Variants in FAAP100 observed in about 807,000 individuals in gnomAD.
FAAP100 encodes the protein Fanconi anemia core complex-associated protein 100.
Under a neutral mutation model 65.8 loss-of-function variants are expected in FAAP100, and 46 were observed. That is an observed-to-expected ratio of 0.70 (90% CI 0.55 to 0.89). The LOEUF (loss-of-function observed/expected upper bound fraction) is 0.89. Among genes scored for constraint, FAAP100 ranks in the 40% least tolerant of loss-of-function variants. The probability of loss-of-function intolerance (pLI) is 0.00; values close to 1 mark genes in which losing one functional copy is unlikely to be tolerated. For synonymous variants in FAAP100, 663 were observed against 555.1 expected, an observed-to-expected ratio of 1.19 and a Z score of -2.73; for missense variants, 1,165 against 1,196.7, an observed-to-expected ratio of 0.97 and a Z score of 0.39.
chr17:81,549,394 C>T (rs372708530), intron 3 of FAAP100, 32 bp from the exon 4 acceptor site: 49 of 1,579,090 alleles, frequency 3.1e-5, no homozygotes, highest in African/African-American at 6.8e-5. Context: ...GCCTGGTCAG[C>T]GGCTGGGAGG....
intron 5 of FAAP100, chr17:81,546,423 T>TG (rs1277816247): frequency 1.2e-5 from 2 of 160,610 alleles, no homozygotes; most frequent in African/African-American, 4.8e-5. Context: ...GCTGGGGCTT[T>TG]GGGGTGAGCG....
At chr17:81,547,708 C>T (rs779766115) in intron 4 of FAAP100, 30 bp from the exon 5 acceptor site, 6 of 1,601,820 alleles carry the variant, frequency 3.7e-6, no homozygotes, top group South Asian at 2.2e-5. Flanking sequence ...CCCCCGGGAG[C>T]GGGGGGACAC....
Position 81,552,048 on chromosome 17 carries a change from G to A in FAAP100, c.170C>T (p.Ala57Val). 6.6e-7 allele frequency: 1 copy of A among 1,520,572 alleles called. No individual in the cohort carries two copies. Among genetic ancestry groups the A allele is most frequent in the African/African-American group, 1.4e-5 (1 of 69,534 alleles). 94.2% of individuals were successfully genotyped at this position (1,520,572 alleles called of 1,614,324 possible). Residue 57 changes from alanine to valine, a missense_variant, in exon 2 of 9, where the codon GCG becomes GTG. Ala to Val is a moderately conservative substitution (Grantham distance 64). Coordinates refer to ENST00000327787, the MANE Select transcript of FAAP100 (RefSeq NM_025161.6). Reference protein sequence around the residue: ...YDQEGGLLTAAFRFPDQVWHL... With the variant: ...YDQEGGLLTAVFRFPDQVWHL... Reference sequence around the variant, plus strand: ...CCACACCTGGTCGGGGAACCGGAACGCCGCCTGCGGACCGGGGCGCGGGTC... The same window carrying A: ...CCACACCTGGTCGGGGAACCGGAACACCGCCTGCGGACCGGGGCGCGGGTC...
chr17:81,541,239 AG>A (rs1295817938), intron 8 of FAAP100, 69 bp downstream of exon 8: 2 of 1,474,780 alleles, frequency 1.4e-6, no homozygotes, highest in Admixed American at 1.9e-5. Context: ...GAGTGACTAG[AG>A]GGGGGCCTGG....
intron 5 of FAAP100, among the ~76,000 whole-genome samples, chr17:81,546,186 A>G (rs1192152267): frequency 1.3e-5 from 2 of 152,270 alleles, no homozygotes; most frequent in African/African-American, 4.8e-5. Context: ...TGTTAGGAGC[A>G]GGCAGCTCCG....
chr17:81,540,099 T>A lies in FAAP100; in HGVS notation c.*720A>T. ...CCCCCCCCGGGCCACAGCGCCACCC[T>A]GAGTGGCCCTGAAAATAGTGCACAG... On this transcript the variant is annotated 3_prime_UTR_variant, in exon 9 of 9. Transcript: ENST00000327787. 2 of 398,364 alleles carry A rather than the reference T, an allele frequency of 5.0e-6. No homozygotes were observed. The highest frequency in any genetic ancestry group is 8.9e-6 in the Non-Finnish European group (2 of 225,852). The allele number at this position is 398,364 out of a possible 1,614,324, so 24.7% of individuals were successfully genotyped here.
At chr17:81,544,220 C>A (rs1005955643) in intron 6 of FAAP100, 100 bp from the exon 7 acceptor site, 29 of 944,550 alleles carry the variant, frequency 3.1e-5, no homozygotes, top group Non-Finnish European at 4.8e-5. Context: ...GCACGTGAGG[C>A]CCTGAGATGG....
intron 4 of FAAP100, among the ~76,000 whole-genome samples, chr17:81,548,718 G>A (rs556809892): frequency 1.3e-5 from 2 of 151,534 alleles, no homozygotes; most frequent in East Asian, 2.0e-4. Flanking sequence ...CAGCCTGGGC[G>A]ACAGAGTGAA....
chr17:81,549,217 G>A lies in FAAP100; in HGVS notation c.1392C>T (p.Asn464=). 1.2e-6 allele frequency: 2 copies of A among 1,612,484 alleles called. No homozygotes were observed. Among genetic ancestry groups the A allele is most frequent in the South Asian group, 1.1e-5 (1 of 91,074 alleles). Residue 464 remains asparagine, a synonymous_variant, in exon 4 of 9, where the codon AAC becomes AAT. Transcript: ENST00000327787. ...KIKELLSGIG[N]ISERVSFLKK... is the part of the protein sequence containing the mutation. ...GCTGAGCTGCTCACCTCTCAGAGAT[G>A]TTGCCAATTCCAGACAGCAGCTCCT...
At chr17:81,544,943 C>T (rs888755283) in intron 6 of FAAP100, among the ~76,000 whole-genome samples, 6 of 152,114 alleles carry the variant, frequency 3.9e-5, no homozygotes, top group Admixed American at 2.0e-4. Flanking sequence ...GTGAGGTGGG[C>T]GGATCACCTG....
At position 81,547,147 on chromosome 17, in the gene FAAP100, G is replaced by A. The variant is rs1211893267; in HGVS notation, c.1935C>T (p.His645=). 45 of 1,538,554 alleles carry A rather than the reference G, an allele frequency of 2.9e-5. No individual in the cohort carries two copies. The highest frequency in any genetic ancestry group is 3.8e-5 in the Non-Finnish European group (43 of 1,141,460). Residue 645 remains histidine, a synonymous_variant, in exon 5 of 9, where the codon CAC becomes CAT. Coordinates refer to ENST00000327787, the MANE Select transcript of FAAP100 (RefSeq NM_025161.6). Reference sequence around the variant, plus strand: ...GCAGACACTGCAGCATGTCCACTGTGTGCCTGCTCAGGGGCAGGCAAACAC... The same window carrying A: ...GCAGACACTGCAGCATGTCCACTGTATGCCTGCTCAGGGGCAGGCAAACAC... ...QEGVCLPLSR[H]TVDMLQCLRF...
intron 6 of FAAP100, among the ~76,000 whole-genome samples, chr17:81,544,755 G>T (rs566337597): frequency 6.6e-6 from 1 of 152,204 alleles, no homozygotes; most frequent in South Asian, 2.1e-4. Flanking sequence ...AGTCACCTGC[G>T]GCTCTCCCAC....
At chr17:81,543,319 C>A (rs1026325268) in intron 7 of FAAP100, among the ~76,000 whole-genome samples, 1 of 152,200 alleles carries the variant, frequency 6.6e-6, no homozygotes, top group African/African-American at 2.4e-5. Context: ...GCAGGGACCA[C>A]CCCTAAAAAG....
In FAAP100 at chr17:81,541,243, G is replaced by T. The variant is rs541057203; in HGVS notation, c.2514+66C>A. The T allele has an allele frequency of 1.0e-4, 155 of 1,484,688 alleles. No individual in the cohort carries two copies. The African/African-American group carries it at 2.0e-3, about 19-fold the overall frequency. 92.0% of individuals were successfully genotyped at this position (1,484,688 alleles called of 1,614,324 possible). A position where few individuals can be genotyped will look rare whatever the true frequency, so the allele number is the denominator to read the frequency against. The stretch of plus-strand genomic sequence containing the variant: ...CTGCGGACCCCGAGTGACTAGAGGG[G>T]GGCCTGGCGATGGGCGCTCCTGGCT... On this transcript the variant is annotated intron_variant, in intron 8 of 8. Coordinates refer to ENST00000327787, the MANE Select transcript of FAAP100 (RefSeq NM_025161.6).
At chr17:81,541,224 AC>A in intron 8 of FAAP100, 84 bp downstream of exon 8, 2 of 1,417,630 alleles carry the variant, frequency 1.4e-6, no homozygotes. Flanking sequence ...GACTCTGCGG[AC>A]CCCGAGTGAC....
rs151231414 is a variant in FAAP100 at position 81,550,260 on chromosome 17, T to C, written c.1234A>G (p.Arg412Gly). ...CSVVSLSASPRTHEGGTKLLA... is the reference protein window; with the variant it reads ...CSVVSLSASPGTHEGGTKLLA... ...CAGCAGCTCATACCTTCATGCGTCC[T>C]GGGAGACGCGGACAGCGAGACGACA... The change falls in exon 3 of 9, where the codon AGG becomes GGG. Residue 412 changes from arginine to glycine, a missense_variant. Arg to Gly is a moderately radical substitution (Grantham distance 125, BLOSUM62 -2). Transcript: ENST00000327787. 4,612 of 1,603,920 alleles carry C rather than the reference T, an allele frequency of 2.9e-3. 41 individuals carry two copies. Among genetic ancestry groups the C allele is most frequent in the South Asian group, 0.018 (1,611 of 90,638 alleles).
chr17:81,552,612 C>T (rs1458521606), upstream of FAAP100, among the ~76,000 whole-genome samples: 1 of 152,198 alleles, frequency 6.6e-6, no homozygotes, highest in African/African-American at 2.4e-5. Flanking sequence ...TTCATGGCCC[C>T]GGCTGCTGCA....
intron 5 of FAAP100, among the ~76,000 whole-genome samples, 199 bp downstream of exon 5, chr17:81,546,710 G>T (rs1382526344): frequency 1.3e-5 from 2 of 152,106 alleles, no homozygotes; most frequent in Non-Finnish European, 2.9e-5. Context: ...GCCCGAGGTG[G>T]GTGGGGTGAA....
In FAAP100 at chr17:81,546,986, T is replaced by G. The variant is rs1207495618; in HGVS notation, c.2096A>C (p.Glu699Ala). ...GGAAGCCACAGATGGGGGCAGGTAC[T>G]CGGCCCGCAGGGAGGCGGGTCCTGC... ...QPAGPASLRA[E>A]YLPPSVASIK... Residue 699 changes from glutamate (E) to alanine (A), a missense_variant, in exon 5 of 9, where the codon GAG becomes GCG. By Grantham distance (107) the Glu-to-Ala change is moderately radical (BLOSUM62 -1). Transcript: ENST00000327787. 1.3e-6 allele frequency: 2 copies of G among 1,501,992 alleles called. No individual in the cohort carries two copies. The highest frequency in any genetic ancestry group is 1.8e-6 in the Non-Finnish European group (2 of 1,125,434). 93.0% of individuals were successfully genotyped at this position (1,501,992 alleles called of 1,614,324 possible).
Sources: gnomAD v4.1 joint callset for allele counts (sites outside exome capture counted in the v4.1 genomes callset) on GRCh38, gnomAD v4.1.1 for gene constraint, MANE v1.5 for transcripts, NCBI Gene and HGNC (gene_info 2026-07-23, HGNC 2026-07-21) for gene names.